Variants in HECW1 observed in about 807,000 individuals in gnomAD.
HECW1 encodes HECT, C2 and WW domain containing E3 ubiquitin protein ligase 1, also known as E3 ubiquitin-protein ligase HECW1.
HECW1 carries 61 observed loss-of-function variants against 182.3 expected under a neutral mutation model. The observed-to-expected ratio is 0.33, with a 90% CI of 0.27 to 0.41. The LOEUF (loss-of-function observed/expected upper bound fraction) is 0.41. Among genes scored for constraint, HECW1 ranks in the 10% least tolerant of loss-of-function variants. The pLI, the probability that HECW1 is intolerant of heterozygous loss-of-function variation, is 1.00. For synonymous variants in HECW1, 859 were observed against 832.6 expected, an observed-to-expected ratio of 1.03 and a Z score of -0.55; for missense variants, 1,739 against 2,108.9, an observed-to-expected ratio of 0.82 and a Z score of 3.44.
chr7:43,403,497 C>T (rs569063287), intron 7 of HECW1, among the ~76,000 whole-genome samples: 95 of 152,212 alleles, frequency 6.2e-4, no homozygotes, highest in Non-Finnish European at 8.8e-4. Flanking sequence ...TGGTAGAGAG[C>T]GGAAGAGGGA....
chr7:43,497,839 G>C (rs984579012), intron 19 of HECW1, among the ~76,000 whole-genome samples: 1 of 152,076 alleles, frequency 6.6e-6, no homozygotes, highest in Non-Finnish European at 1.5e-5. Flanking sequence ...AGATGGGAAA[G>C]AGTGGAGGAG....
chr7:43,269,487 G>A (rs928372108), intron 3 of HECW1, among the ~76,000 whole-genome samples: 1 of 152,146 alleles, frequency 6.6e-6, no homozygotes, highest in Non-Finnish European at 1.5e-5. Context: ...CTCTATTGTC[G>A]GAACCAGAAA....
At chr7:43,152,415 C>T (rs1562602999) in intron 2 of HECW1, among the ~76,000 whole-genome samples, 1 of 152,104 alleles carries the variant, frequency 6.6e-6, no homozygotes, top group Admixed American at 6.5e-5. Flanking sequence ...TTAATAAAAT[C>T]GTAACAATCC....
At chr7:43,483,143 T>A (rs1208673816) in intron 17 of HECW1, among the ~76,000 whole-genome samples, 1 of 151,898 alleles carries the variant, frequency 6.6e-6, no homozygotes, top group Non-Finnish European at 1.5e-5. Flanking sequence ...CATGGAAGAG[T>A]TGGAACTTTT....
chr7:43,205,979 AG>A (rs2152692153), intron 2 of HECW1, among the ~76,000 whole-genome samples: 1 of 152,226 alleles, frequency 6.6e-6, no homozygotes, highest in East Asian at 1.9e-4. Flanking sequence ...CTCCCCATCC[AG>A]GACACCCTCT....
At chr7:43,511,911 T>A (rs2079892592) in intron 24 of HECW1, 1 of 188,398 alleles carries the variant, frequency 5.3e-6, no homozygotes, top group Admixed American at 6.2e-5. Flanking sequence ...CTGTGGCACC[T>A]GCCTGAAGAC....
intron 3 of HECW1, among the ~76,000 whole-genome samples, chr7:43,250,299 C>G (rs1184826258): frequency 6.6e-6 from 1 of 152,124 alleles, no homozygotes. Context: ...AATGAGGGGT[C>G]TGTGACACCA....
At chr7:43,484,451 A>G (rs1468479256) in intron 17 of HECW1, 2 of 152,216 alleles carry the variant, frequency 1.3e-5, no homozygotes, top group Non-Finnish European at 2.9e-5. Context: ...TGTGTCCCGT[A>G]TCACAGGCAA....
At chr7:43,293,418 G>A (rs1805663323) in intron 3 of HECW1, among the ~76,000 whole-genome samples, 1 of 152,068 alleles carries the variant, frequency 6.6e-6, no homozygotes, top group African/African-American at 2.4e-5. Flanking sequence ...CAGTCTGATT[G>A]GTTACAAACA....
intron 2 of HECW1, among the ~76,000 whole-genome samples, chr7:43,122,513 A>G (rs539335320): frequency 3.9e-5 from 6 of 152,322 alleles, no homozygotes; most frequent in African/African-American, 1.2e-4. Context: ...TTTAGAAACA[A>G]CTTTTAACAG....
At chr7:43,266,841 G>A (rs1324227701) in intron 3 of HECW1, among the ~76,000 whole-genome samples, 2 of 152,146 alleles carry the variant, frequency 1.3e-5, no homozygotes, top group African/African-American at 2.4e-5. Flanking sequence ...ATGATTAAAA[G>A]TAAAGACATA....
intron 27 of HECW1, among the ~76,000 whole-genome samples, chr7:43,550,866 C>T (rs868609145): frequency 4.1e-4 from 62 of 152,190 alleles, no homozygotes; most frequent in African/African-American, 1.3e-3. Context: ...GCGTGCCAGA[C>T]GTGAAAACAT....
chr7:43,272,516 C>T (rs1456304190), intron 3 of HECW1, among the ~76,000 whole-genome samples: 1 of 152,110 alleles, frequency 6.6e-6, no homozygotes, highest in Non-Finnish European at 1.5e-5. Flanking sequence ...GGGCAAAAGA[C>T]ATGAACAGAC....
At chr7:43,411,817 T>A (rs1002533780) in intron 8 of HECW1, among the ~76,000 whole-genome samples, 1 of 152,210 alleles carries the variant, frequency 6.6e-6, no homozygotes, top group African/African-American at 2.4e-5. Context: ...TCCATTTACT[T>A]TCAAAATGTT....
intron 3 of HECW1, among the ~76,000 whole-genome samples, chr7:43,294,200 A>C (rs954768713): frequency 3.3e-5 from 5 of 152,190 alleles, no homozygotes; most frequent in African/African-American, 9.7e-5. Flanking sequence ...GCTCACTCCC[A>C]AAAGGAAAAA....
chr7:43,222,811 C>T (rs73099692), intron 2 of HECW1, among the ~76,000 whole-genome samples: 24,774 of 152,088 alleles, frequency 0.16, 2,217 homozygotes, highest in Middle Eastern at 0.3. Flanking sequence ...ACCATTGGGC[C>T]GTCTCAGGGC....
chr7:43,478,727 T>C (rs2078312617), intron 16 of HECW1, among the ~76,000 whole-genome samples: 1 of 152,112 alleles, frequency 6.6e-6, no homozygotes, highest in Non-Finnish European at 1.5e-5. Context: ...TTTATTATCT[T>C]CTTTCTACTT....
chr7:43,530,498 A>G (rs1209034275), intron 24 of HECW1, among the ~76,000 whole-genome samples: 1 of 132,248 alleles, frequency 7.6e-6, no homozygotes. Flanking sequence ...GTTTTTCCAT[A>G]TCTTTTATGG....
chr7:43,140,252 A>T (rs911094306), intron 2 of HECW1, among the ~76,000 whole-genome samples: 2 of 151,966 alleles, frequency 1.3e-5, no homozygotes, highest in Non-Finnish European at 1.5e-5. Context: ...TTTTATGCTG[A>T]CATCTTTATA....
Sources: allele counts gnomAD v4.1 joint callset (sites outside exome capture counted in the v4.1 genomes callset), GRCh38; gene constraint gnomAD v4.1.1; transcripts MANE v1.5; gene names NCBI Gene and HGNC (gene_info 2026-07-23, HGNC 2026-07-21).